The following PIK3R2 variants were observed in gnomAD, a reference collection of about 807,000 sequenced individuals.
The protein encoded by PIK3R2 is phosphoinositide-3-kinase regulatory subunit 2.
In PIK3R2, 40 loss-of-function variants were observed where a neutral mutation model predicts 78.5. The ratio of observed to expected loss-of-function variants is 0.51; its 90% CI spans 0.40 to 0.66. PIK3R2 has a LOEUF of 0.66. Among genes scored for constraint, PIK3R2 ranks in the 30% least tolerant of loss-of-function variants. The pLI, the probability that PIK3R2 is intolerant of heterozygous loss-of-function variation, is 0.00. For synonymous variants in PIK3R2, 473 were observed against 457.7 expected (o/e 1.03, Z -0.43); for missense variants, 880 against 1,026.6 (o/e 0.86, Z 1.95).
rs751449933 is a variant in PIK3R2, at chr19:18,161,915, G to T, written c.816-51G>T. 1 of 1,469,994 alleles carries T rather than the reference G, an allele frequency of 6.8e-7. No homozygotes were observed. Among genetic ancestry groups the T allele is most frequent in the East Asian group, 2.3e-5 (1 of 44,154 alleles). 91.1% of individuals were successfully genotyped at this position (1,469,994 alleles called of 1,614,324 possible). A position where few individuals can be genotyped will look rare whatever the true frequency, so the allele number is the denominator to read the frequency against. ...CGCACGCACAATCCTGTGCACATGCGTGGGCGGACAGGCCCTACCCAGCCC... is the reference window on the plus strand; with the variant it reads ...CGCACGCACAATCCTGTGCACATGCTTGGGCGGACAGGCCCTACCCAGCCC... On this transcript the variant is annotated intron_variant, in intron 6 of 15. Transcript: ENST00000222254. The surrounding 1 kb of genome is among the most constrained non-coding windows in gnomAD (Gnocchi z 5.3).
In PIK3R2 at chr19:18,167,369, C is replaced by T. The variant is rs1445844117; in HGVS notation, c.1736+63C>T. On this transcript the variant is annotated intron_variant, in intron 13 of 15. Coordinates refer to ENST00000222254, the MANE Select transcript of PIK3R2 (RefSeq NM_005027.4). The surrounding 1 kb of genome is among the most constrained non-coding windows in gnomAD (Gnocchi z 4.5). ...CGACTGCTGCGGCACATGGAGATCT[C>T]TCTAGGAGTCTCAGTCTCTCTCTCT... The T allele has an allele frequency of 5.9e-6, 8 of 1,348,140 alleles. No individual in the cohort carries two copies. Among genetic ancestry groups the T allele is most frequent in the Non-Finnish European group, 8.0e-6 (8 of 1,002,168 alleles). The allele number at this position is 1,348,140 out of a possible 1,614,324, so 83.5% of individuals were successfully genotyped here.
chr19:18,164,328 C>T (rs2147954661), intron 11 of PIK3R2, among the ~76,000 whole-genome samples: 1 of 151,938 alleles, frequency 6.6e-6, no homozygotes, highest in South Asian at 2.1e-4. Flanking sequence ...ACTTATGTCC[C>T]CTTCAACCAA....
Position 18,161,623 on chromosome 19 carries a change from G to A in PIK3R2, c.815+128G>A, listed in dbSNP as rs2043747917. The A allele has an allele frequency of 4.1e-6, 2 of 489,046 alleles. No individual in the cohort carries two copies. Among genetic ancestry groups the A allele is most frequent in the Non-Finnish European group, 3.5e-6 (1 of 288,064 alleles). The allele number at this position is 489,046 out of a possible 1,614,324, so 30.3% of individuals were successfully genotyped here. ...GATGGGGTCCAGAGTGAGAAGCTGC[G>A]TTCTTGTGATGACGGAGCGGAGACC... On this transcript the variant is annotated intron_variant, in intron 6 of 15. Coordinates refer to ENST00000222254, the MANE Select transcript of PIK3R2 (RefSeq NM_005027.4). The surrounding 1 kb of genome is among the most constrained non-coding windows in gnomAD (Gnocchi z 5.3).
In PIK3R2 at chr19:18,167,796, G is replaced by A. The variant is rs188343215; in HGVS notation, c.1736+490G>A. 9.8e-4 allele frequency among the ~76,000 whole-genome samples: 149 copies of A among 152,264 alleles called. 1 individual carries two copies. Among genetic ancestry groups the A allele is most frequent in the African/African-American group, 3.4e-3 (142 of 41,562 alleles). ...AGGAGAATCACTTGAACGGGGAGGT[G>A]GAGTTTGCAGTGAGCAGAGATTATG... On this transcript the variant is annotated intron_variant, in intron 13 of 15. Coordinates refer to ENST00000222254, the MANE Select transcript of PIK3R2 (RefSeq NM_005027.4). This position sits in a 1 kb window ranked among gnomAD's most constrained non-coding sequence, Gnocchi z 4.5.
intron 11 of PIK3R2, 133 bp from the exon 12 acceptor site, chr19:18,166,027 C>T (rs563735020): frequency 4.1e-5 from 45 of 1,107,890 alleles, no homozygotes; most frequent in African/African-American, 3.5e-4. Context: ...GTGCAGCAGG[C>T]GTTAGAAGAA....
rs33933785 is a variant in PIK3R2, at chr19:18,165,362, CAAAAA to C, written c.1417-780_1417-776del. Among the ~76,000 whole-genome samples the C allele has an allele frequency of 5.1e-3, 416 of 80,978 alleles. 4 individuals are homozygous for C. The highest frequency in any genetic ancestry group is 9.5e-3 in the East Asian group (27 of 2,850). The allele number at this position is 80,978 out of a possible 152,430, so 53.1% of individuals were successfully genotyped here. A position where few individuals can be genotyped will look rare whatever the true frequency, so the allele number is the denominator to read the frequency against. ...CCTGGGACAGAGTGAGACTCCGTCT[CAAAAA>C]AAAAAAAAAAAAAAAAATTAGCCGG... On this transcript the variant is annotated intron_variant, in intron 11 of 15. Transcript: ENST00000222254.
chr19:18,169,782 C>G lies in PIK3R2; in HGVS notation c.*488C>G, dbSNP rs999127223. On this transcript the variant is annotated 3_prime_UTR_variant, in exon 16 of 16. Coordinates refer to ENST00000222254, the MANE Select transcript of PIK3R2 (RefSeq NM_005027.4). ...CTCTGCTGCTTCCGAGAACCTCGGC[C>G]GTGACATTCGGGGCCGGGCGGGACC... 4.4e-5 allele frequency: 9 copies of G among 204,998 alleles called. No individual in the cohort carries two copies. The highest frequency in any genetic ancestry group is 2.1e-4 in the African/African-American group (9 of 43,696). The allele number at this position is 204,998 out of a possible 1,614,324, so 12.7% of individuals were successfully genotyped here.
intron 1 of PIK3R2, among the ~76,000 whole-genome samples, chr19:18,154,608 T>G (rs986481030): frequency 3.9e-5 from 6 of 152,228 alleles, no homozygotes; most frequent in Admixed American, 3.9e-4. Flanking sequence ...GTGGCCTCCA[T>G]TGCGTCCTCC....
At chr19:18,157,274 G>GC (rs959849383) in intron 2 of PIK3R2, among the ~76,000 whole-genome samples, 1 of 152,160 alleles carries the variant, frequency 6.6e-6, no homozygotes, top group Non-Finnish European at 1.5e-5. Context: ...GCAGGAGGTG[G>GC]CCCCGTCTGG....
chr19:18,159,846 A>T (rs1447962918), intron 2 of PIK3R2, among the ~76,000 whole-genome samples: 2 of 151,932 alleles, frequency 1.3e-5, no homozygotes, highest in Non-Finnish European at 2.9e-5. Context: ...GGTTCAAGCG[A>T]TTCTCCTGCC....
Position 18,156,107 on chromosome 19 carries a change from G to C in PIK3R2, c.228G>C (p.Glu76Asp), listed in dbSNP as rs769758390. 6.5e-7 allele frequency: 1 copy of C among 1,550,374 alleles called. No individual in the cohort carries two copies. The highest frequency in any genetic ancestry group is 2.5e-5 in the East Asian group (1 of 40,786). ...QRGDFPGTYV[E>D]FLGPVALARP... is the part of the protein sequence containing the mutation. ...GTGACTTCCCTGGCACCTATGTGGA[G>C]TTCCTGGGGCCCGTGGCCCTGGCCC... The change falls in exon 2 of 16, where the codon GAG (glutamate) becomes GAC (aspartate). Residue 76 changes from glutamate (E) to aspartate (D), a missense_variant. Physicochemically the swap from Glu to Asp is conservative, Grantham distance 45 (BLOSUM62 2). Transcript: ENST00000222254. The surrounding 1 kb of genome is among the most constrained non-coding windows in gnomAD (Gnocchi z 4.2).
intron 8 of PIK3R2, 43 bp from the exon 9 acceptor site, chr19:18,162,365 T>C (rs2043758259): frequency 6.3e-7 from 1 of 1,599,190 alleles, no homozygotes; most frequent in African/African-American, 1.3e-5. Flanking sequence ...GTGAGCGGGG[T>C]CTCCAGGTGG....
Position 18,167,956 on chromosome 19 carries a change from C to G in PIK3R2, c.1737-519C>G, listed in dbSNP as rs2267922. Among the ~76,000 whole-genome samples the G allele has an allele frequency of 0.53, 80,456 of 152,040 alleles. 21,538 individuals carry two copies. Among genetic ancestry groups the G allele is most frequent in the East Asian group, 0.74 (3,826 of 5,174 alleles). On this transcript the variant is annotated intron_variant, in intron 13 of 15. Coordinates refer to ENST00000222254, the MANE Select transcript of PIK3R2 (RefSeq NM_005027.4). This position sits in a 1 kb window ranked among gnomAD's most constrained non-coding sequence, Gnocchi z 4.5. ...GTCCTGGGTTCAAATCAGTTCAAAT[C>G]CTGCCCCCACCCACCAACCTCCTGA...
Position 18,155,866 on chromosome 19 carries a change from C to T in PIK3R2, c.-14C>T. On this transcript the variant is annotated 5_prime_UTR_variant, in exon 2 of 16. Transcript: ENST00000222254. ...GCCACCTAACCATCCAGACCCCACC[C>T]CACTCACGCGGCCATGGCGGGCCCT... 1 of 1,534,234 alleles carries T rather than the reference C, an allele frequency of 6.5e-7. No individual in the cohort carries two copies. The highest frequency in any genetic ancestry group is 2.5e-5 in the East Asian group (1 of 40,108).
In PIK3R2 at chr19:18,169,494, T is replaced by C. The variant is rs1179119167; in HGVS notation, c.*200T>C. On this transcript the variant is annotated 3_prime_UTR_variant, in exon 16 of 16. Coordinates refer to ENST00000222254, the MANE Select transcript of PIK3R2 (RefSeq NM_005027.4). ...AGATCTCCCTCTGTCTCCTTTTCTCTGTCTTTCTTGGCCCCTGTCTCTCTC... is the reference window on the plus strand; with the variant it reads ...AGATCTCCCTCTGTCTCCTTTTCTCCGTCTTTCTTGGCCCCTGTCTCTCTC... 8.6e-6 allele frequency: 3 copies of C among 348,462 alleles called. No individual in the cohort carries two copies. Among genetic ancestry groups the C allele is most frequent in the Non-Finnish European group, 1.6e-5 (3 of 192,864 alleles). The allele number at this position is 348,462 out of a possible 1,614,324, so 21.6% of individuals were successfully genotyped here.
In PIK3R2 at chr19:18,169,481, G is replaced by C; in HGVS notation, c.*187G>C. ...TCCCCCATTCTCCAGATCTCCCTCT[G>C]TCTCCTTTTCTCTGTCTTTCTTGGC... On this transcript the variant is annotated 3_prime_UTR_variant, in exon 16 of 16. Transcript: ENST00000222254. The C allele has an allele frequency of 2.8e-6, 1 of 356,708 alleles. No homozygotes were observed. The highest frequency in any genetic ancestry group is 4.3e-5 in the East Asian group (1 of 23,180). The allele number at this position is 356,708 out of a possible 1,614,324, so 22.1% of individuals were successfully genotyped here.
In PIK3R2 at chr19:18,166,320, G is replaced by C. The variant is rs778709903; in HGVS notation, c.1559+18G>C. 2.5e-6 allele frequency: 4 copies of C among 1,608,750 alleles called. No homozygotes were observed. In the African/African-American group the frequency reaches 5.3e-5, roughly 21 times the overall value. On this transcript the variant is annotated intron_variant, in intron 12 of 15. Coordinates refer to ENST00000222254, the MANE Select transcript of PIK3R2 (RefSeq NM_005027.4). ...ATGCAAAGGTGAGTCTGGCGCCTCT[G>C]CCCTGCCCCACCCCACCCTGATCTG... is the stretch of plus-strand genomic sequence containing the variant.
At chr19:18,154,611 C>T (rs939711752) in intron 1 of PIK3R2, among the ~76,000 whole-genome samples, 2 of 152,164 alleles carry the variant, frequency 1.3e-5, no homozygotes, top group Admixed American at 6.5e-5. Flanking sequence ...GCCTCCATTG[C>T]GTCCTCCCTG....
In PIK3R2 at chr19:18,160,577, T is replaced by C. The variant is rs2043731484; in HGVS notation, c.415+14T>C. ...TTGAAAGGACAGGTAAGTTCCAGCC[T>C]GGCTGCAGCCCCTGGATTCTGCTTG... On this transcript the variant is annotated intron_variant, in intron 3 of 15. Coordinates refer to ENST00000222254, the MANE Select transcript of PIK3R2 (RefSeq NM_005027.4). 6.3e-7 allele frequency: 1 copy of C among 1,593,214 alleles called. No homozygotes were observed. Among genetic ancestry groups the C allele is most frequent in the African/African-American group, 1.3e-5 (1 of 74,432 alleles).
Sources: gnomAD v4.1 joint callset for allele counts (sites outside exome capture counted in the v4.1 genomes callset) on GRCh38, gnomAD v4.1.1 for gene constraint, Gnocchi (gnomAD v3.1) non-coding constraint, MANE v1.5 for transcripts, NCBI Gene and HGNC (gene_info 2026-07-23, HGNC 2026-07-21) for gene names.